NAV3: variants seen among roughly 807,000 people sequenced by gnomAD.
The protein encoded by NAV3 is pore membrane and/or filament interacting like protein 1.
A neutral mutation model predicts 244.7 loss-of-function variants in NAV3; 87 were observed. The ratio of observed to expected loss-of-function variants is 0.36; its 90% CI spans 0.30 to 0.42. NAV3 has a LOEUF of 0.42. Among genes scored for constraint, NAV3 ranks in the 20% least tolerant of loss-of-function variants. The pLI, the probability that NAV3 is intolerant of heterozygous loss-of-function variation, is 1.00. For missense variants in NAV3, 2,663 were observed against 2,893.3 expected (o/e 0.92, Z 1.83); for synonymous variants, 1,126 against 1,042.2 (o/e 1.08, Z -1.55).
At chr12:77,945,744 T>TTTA (rs968257444) in intron 3 of NAV3, among the ~76,000 whole-genome samples, 4 of 151,882 alleles carry the variant, frequency 2.6e-5, no homozygotes, top group Non-Finnish European at 4.4e-5. Context: ...GGTTACTTTA[T>TTTA]TTATTATTAT....
chr12:78,042,611 G>T (rs1593365204), intron 9 of NAV3, among the ~76,000 whole-genome samples: 1 of 151,732 alleles, frequency 6.6e-6, no homozygotes, highest in Non-Finnish European at 1.5e-5. Flanking sequence ...TGACCAACAT[G>T]GTGAAACCCC....
intron 2 of NAV3, among the ~76,000 whole-genome samples, chr12:77,699,877 G>A (rs948981446): frequency 6.6e-6 from 1 of 151,932 alleles, no homozygotes; most frequent in South Asian, 2.1e-4. Flanking sequence ...CAAATTCAGG[G>A]AGGAGGGATA....
At chr12:77,800,780 T>TACAAACTACTACA (rs1871663629) in intron 2 of NAV3, among the ~76,000 whole-genome samples, 1 of 152,154 alleles carries the variant, frequency 6.6e-6, no homozygotes, top group Non-Finnish European at 1.5e-5. Flanking sequence ...TACAGTTTTG[T>TACAAACTACTACA]AAGATAAAAC....
intron 2 of NAV3, among the ~76,000 whole-genome samples, chr12:77,762,331 G>A (rs1320380319): frequency 6.6e-6 from 1 of 152,112 alleles, no homozygotes; most frequent in African/African-American, 2.4e-5. Flanking sequence ...TAATATAGAT[G>A]ACAGGTGGAT....
intron 16 of NAV3, among the ~76,000 whole-genome samples, chr12:78,124,645 A>C (rs2694668): frequency 0.35 from 53,201 of 151,644 alleles, 9,657 homozygotes; most frequent in African/African-American, 0.4. Flanking sequence ...GTAGAGATGA[A>C]GTTTCACCAT....
chr12:77,985,081 G>T (rs1183409665), intron 5 of NAV3, among the ~76,000 whole-genome samples: 1 of 152,166 alleles, frequency 6.6e-6, no homozygotes, highest in Non-Finnish European at 1.5e-5. Context: ...CTCCCAAAGT[G>T]CTGGGATTAC....
chr12:77,639,765 A>C (rs757704583), intron 2 of NAV3, among the ~76,000 whole-genome samples: 1 of 152,194 alleles, frequency 6.6e-6, no homozygotes, highest in Non-Finnish European at 1.5e-5. Flanking sequence ...GGAGAAGCAC[A>C]AAGGAGAAAT....
intron 2 of NAV3, among the ~76,000 whole-genome samples, chr12:77,769,563 A>G (rs1869964760): frequency 6.6e-6 from 1 of 152,260 alleles, no homozygotes; most frequent in African/African-American, 2.4e-5. Flanking sequence ...AAACAAAGTC[A>G]TAGGAATGTT....
intron 2 of NAV3, among the ~76,000 whole-genome samples, chr12:77,578,526 A>C (rs1433647929): frequency 6.6e-6 from 1 of 152,094 alleles, no homozygotes; most frequent in Non-Finnish European, 1.5e-5. Flanking sequence ...CTCTCAGGAA[A>C]CCTAAACTAT....
At chr12:77,741,148 C>CAAAAAAAAAAAAAAAAAAAAGA in intron 2 of NAV3, among the ~76,000 whole-genome samples, 3 of 68,666 alleles carry the variant, frequency 4.4e-5, no homozygotes, top group African/African-American at 1.2e-4. Context: ...AAAAAAAAGA[C>CAAAAAAAAAAAAAAAAAAAAGA]AAAAAAAAAA....
chr12:77,984,678 C>T (rs1242829891), intron 5 of NAV3, among the ~76,000 whole-genome samples: 3 of 151,968 alleles, frequency 2.0e-5, no homozygotes, highest in East Asian at 3.9e-4. Flanking sequence ...CCAATGTATT[C>T]GATGTTTACT....
intron 2 of NAV3, among the ~76,000 whole-genome samples, chr12:77,746,507 A>T (rs1376499675): frequency 6.6e-6 from 1 of 152,152 alleles, no homozygotes; most frequent in African/African-American, 2.4e-5. Context: ...GTATGTGTAT[A>T]CTATATTACA....
chr12:77,801,470 C>G (rs1450361353), intron 2 of NAV3, among the ~76,000 whole-genome samples: 1 of 151,528 alleles, frequency 6.6e-6, no homozygotes, highest in African/African-American at 2.4e-5. Flanking sequence ...TTGTTTTTTT[C>G]CATTATTTCA....
At chr12:77,895,458 A>C (rs754485790) in intron 1 of NAV3, among the ~76,000 whole-genome samples, 39 of 152,162 alleles carry the variant, frequency 2.6e-4, no homozygotes, top group Non-Finnish European at 4.3e-4. Context: ...AGTTTTGGGC[A>C]TGCAGCAAGA....
Position 78,059,584 on chromosome 12 carries a change from G to A in NAV3, c.2636+469G>A, listed in dbSNP as rs543220885. On this transcript the variant is annotated intron_variant, in intron 12 of 39. Transcript: ENST00000397909. ...TTACAGGCATGAGCCTCTACGCCCC[G>A]CCTATTTGGGGATATTTTTAAAACT... Among the ~76,000 whole-genome samples the A allele has an allele frequency of 1.1e-4, 16 of 152,236 alleles. 1 individual carries two copies. The South Asian group carries it at 1.7e-3, about 16-fold the overall frequency.
chr12:77,714,650 G>C (rs974379006), intron 2 of NAV3, among the ~76,000 whole-genome samples: 1 of 152,126 alleles, frequency 6.6e-6, no homozygotes, highest in African/African-American at 2.4e-5. Context: ...TTTACCTACA[G>C]TTTTGCTTAT....
intron 2 of NAV3, among the ~76,000 whole-genome samples, chr12:77,657,182 A>G (rs1216451310): frequency 6.8e-6 from 1 of 146,422 alleles, no homozygotes; most frequent in Non-Finnish European, 1.5e-5. Context: ...GTTTTTTGAA[A>G]GGATCAACAA....
At chr12:77,903,537 A>C (rs564101059) in intron 1 of NAV3, among the ~76,000 whole-genome samples, 1 of 152,332 alleles carries the variant, frequency 6.6e-6, no homozygotes, top group South Asian at 2.1e-4. Flanking sequence ...AAACCATAAA[A>C]ACTCTAGAAG....
intron 2 of NAV3, among the ~76,000 whole-genome samples, chr12:77,609,157 G>C (rs573307259): frequency 2.0e-5 from 3 of 152,064 alleles, no homozygotes; most frequent in Non-Finnish European, 4.4e-5. Flanking sequence ...CAGATGATTT[G>C]TGTACAATTC....
Sources: gnomAD v4.1 joint callset for allele counts (sites outside exome capture counted in the v4.1 genomes callset) on GRCh38, gnomAD v4.1.1 for gene constraint, MANE v1.5 for transcripts, NCBI Gene and HGNC (gene_info 2026-07-23, HGNC 2026-07-21) for gene names.